The following RAC1 variants were observed in gnomAD, a reference collection of about 807,000 sequenced individuals.
RAC1 encodes the protein Rac family small GTPase 1.
A neutral mutation model predicts 25.2 loss-of-function variants in RAC1; 2 were observed. That is an observed-to-expected ratio of 0.08 (90% CI 0.03 to 0.25). The LOEUF is 0.25. Ranked by LOEUF, RAC1 falls within the 10% of genes least tolerant of loss-of-function variation. The probability of loss-of-function intolerance (pLI) is 1.00; values close to 1 mark genes in which losing one functional copy is unlikely to be tolerated. For synonymous variants in RAC1, 88 were observed against 94.0 expected (o/e 0.94, Z 0.37); for missense variants, 50 against 235.7 (o/e 0.21, Z 5.16).
intron 3 of RAC1, 24 bp downstream of exon 3, chr7:6,392,065 A>G: frequency 6.2e-7 from 1 of 1,614,024 alleles, no homozygotes; most frequent in Non-Finnish European, 8.5e-7. Context: ...CTGACTTTTA[A>G]TGTGTCTTTT....
intron 1 of RAC1, among the ~76,000 whole-genome samples, chr7:6,381,204 A>G (rs1037159640): frequency 6.6e-6 from 1 of 152,164 alleles, no homozygotes; most frequent in Non-Finnish European, 1.5e-5. Flanking sequence ...GTGCAGTTAC[A>G]TATAAATTCT....
intron 3 of RAC1, among the ~76,000 whole-genome samples, chr7:6,392,648 G>A (rs926656771): frequency 2.0e-5 from 3 of 152,192 alleles, no homozygotes; most frequent in Non-Finnish European, 4.4e-5. Flanking sequence ...AGCAGTAGCT[G>A]GTGAAAATGG....
At chr7:6,392,658 G>A (rs1783120733) in intron 3 of RAC1, among the ~76,000 whole-genome samples, 1 of 152,102 alleles carries the variant, frequency 6.6e-6, no homozygotes, top group African/African-American at 2.4e-5. Context: ...GGTGAAAATG[G>A]GTACTTAGAA....
chr7:6,388,841 G>C (rs1006294525), intron 2 of RAC1, among the ~76,000 whole-genome samples: 2 of 152,110 alleles, frequency 1.3e-5, no homozygotes, highest in Non-Finnish European at 1.5e-5. Flanking sequence ...TTATGTCTTT[G>C]TGTACACTTG....
intron 1 of RAC1, among the ~76,000 whole-genome samples, chr7:6,385,138 G>A (rs1782886552): frequency 6.6e-6 from 1 of 152,126 alleles, no homozygotes; most frequent in African/African-American, 2.4e-5. Flanking sequence ...AGAAATGTTA[G>A]CTCTTTTGCT....
intron 1 of RAC1, among the ~76,000 whole-genome samples, chr7:6,384,588 T>A (rs1200533049): frequency 6.6e-6 from 1 of 152,046 alleles, no homozygotes; most frequent in African/African-American, 2.4e-5. Context: ...AGGGATCCTC[T>A]TGCTTCAGCC....
At position 6,387,290 on chromosome 7, in the gene RAC1, A is replaced by G; in HGVS notation, c.107+7A>G. 4.6e-6 allele frequency: 7 copies of G among 1,533,250 alleles called. No homozygotes were observed. Among genetic ancestry groups the G allele is most frequent in the Non-Finnish European group, 5.3e-6 (6 of 1,132,254 alleles). 95.0% of individuals were successfully genotyped at this position (1,533,250 alleles called of 1,614,324 possible). ...GAGAATATATCCCTACTGTGTAAGT[A>G]TCTTAAATTGGGAATTAACCTGTTT... On this transcript the variant is annotated splice_region_variant and intron_variant, in intron 2 of 5. Coordinates refer to ENST00000348035, the MANE Select transcript of RAC1 (RefSeq NM_006908.5).
At chr7:6,388,014 C>T (rs1782970263) in intron 2 of RAC1, among the ~76,000 whole-genome samples, 1 of 152,096 alleles carries the variant, frequency 6.6e-6, no homozygotes, top group Non-Finnish European at 1.5e-5. Flanking sequence ...GGTTACATGT[C>T]CGCATTGAGG....
In RAC1 at chr7:6,402,347, C is replaced by T. The variant is rs769668890; in HGVS notation, c.480C>T (p.Leu160=). ...GAVKYLECSA[L]TQRGLKTVFD... ...TAAAATACCTGGAGTGCTCGGCGCT[C>T]ACACAGCGAGGCCTCAAGACAGTGT... is the stretch of plus-strand genomic sequence containing the variant. Residue 160 remains leucine (L), a synonymous_variant, in exon 6 of 6, where the codon CTC becomes CTT. Transcript: ENST00000348035. The T allele has an allele frequency of 8.1e-6, 13 of 1,611,816 alleles. No homozygotes were observed. Among genetic ancestry groups the T allele is most frequent in the African/African-American group, 6.7e-5 (5 of 74,734 alleles).
In RAC1 at chr7:6,374,666, C is replaced by G; in HGVS notation, c.-70C>G. The G allele has an allele frequency of 9.8e-7, 1 of 1,023,992 alleles. No individual in the cohort carries two copies. The allele number at this position is 1,023,992 out of a possible 1,614,324, so 63.4% of individuals were successfully genotyped here. On this transcript the variant is annotated 5_prime_UTR_variant, in exon 1 of 6. Transcript: ENST00000348035. ...GCCCGCAAGCCGCGCGCCCGTCCGC[C>G]GCGCCCCGAGCCCGCCGCTTCCTAT...
intron 1 of RAC1, among the ~76,000 whole-genome samples, chr7:6,375,216 T>C (rs540822808): frequency 1.1e-4 from 16 of 152,228 alleles, no homozygotes; most frequent in South Asian, 6.2e-4. Context: ...GATGCATGCT[T>C]GATTGTACGG....
Position 6,392,993 on chromosome 7 carries a change from G to A in RAC1, c.225+952G>A, listed in dbSNP as rs75233683. Among the ~76,000 whole-genome samples, 180 of 152,348 alleles carry A rather than the reference G, an allele frequency of 1.2e-3. 1 individual carries two copies. Among genetic ancestry groups the A allele is most frequent in the Middle Eastern group, 3.4e-3 (1 of 294 alleles). ...AATTCTCCTGTTCCTCAGTGTGCGGGTGGGTCGGCCTAAAGAGTGCTGCTT... is the reference window on the plus strand; with the variant it reads ...AATTCTCCTGTTCCTCAGTGTGCGGATGGGTCGGCCTAAAGAGTGCTGCTT... On this transcript the variant is annotated intron_variant, in intron 3 of 5. Coordinates refer to ENST00000348035, the MANE Select transcript of RAC1 (RefSeq NM_006908.5).
chr7:6,390,029 C>G (rs888773993), intron 2 of RAC1, among the ~76,000 whole-genome samples: 4 of 67,072 alleles, frequency 6.0e-5, no homozygotes, highest in African/African-American at 2.0e-4. Context: ...CTCTCCTACT[C>G]CTTCCCTCCT....
intron 2 of RAC1, among the ~76,000 whole-genome samples, chr7:6,389,195 C>G (rs1230486520): frequency 8.7e-6 from 1 of 115,072 alleles, no homozygotes; most frequent in African/African-American, 4.2e-5. Flanking sequence ...GAGTGAGACT[C>G]TGTCTCCCAA....
chr7:6,402,527 A>AAAAAC lies in RAC1; in HGVS notation c.*85_*86insCAAAA. The AAAAAC allele has an allele frequency of 9.2e-7, 1 of 1,086,138 alleles. No individual in the cohort carries two copies. The highest frequency in any genetic ancestry group is 2.1e-5 in the African/African-American group (1 of 47,884). 67.3% of individuals were successfully genotyped at this position (1,086,138 alleles called of 1,614,324 possible). ...CAAAAAAAAACAAAAAAAAAAAACA[A>AAAAAC]AAAAAAAAAACAACGGTGGAGCCTT... is the stretch of plus-strand genomic sequence containing the variant. On this transcript the variant is annotated 3_prime_UTR_variant, in exon 6 of 6. Coordinates refer to ENST00000348035, the MANE Select transcript of RAC1 (RefSeq NM_006908.5).
chr7:6,391,061 C>G (rs1562466398), intron 2 of RAC1, among the ~76,000 whole-genome samples: 1 of 152,062 alleles, frequency 6.6e-6, no homozygotes, highest in Non-Finnish European at 1.5e-5. Context: ...CACGCCCTGG[C>G]TAATTTTTGC....
intron 1 of RAC1, 65 bp from the exon 2 acceptor site, chr7:6,387,147 C>A: frequency 1.9e-6 from 2 of 1,031,928 alleles, no homozygotes; most frequent in East Asian, 2.5e-5. Context: ...ATTATTTTAA[C>A]TTAATAGTGA....
intron 1 of RAC1, among the ~76,000 whole-genome samples, chr7:6,375,669 T>C (rs756375394): frequency 5.9e-5 from 9 of 151,728 alleles, no homozygotes; most frequent in Non-Finnish European, 1.2e-4. Flanking sequence ...TTTCTTTCTT[T>C]CTTTTTTTTT....
At chr7:6,395,651 C>G (rs1783216633) in intron 3 of RAC1, among the ~76,000 whole-genome samples, 1 of 152,154 alleles carries the variant, frequency 6.6e-6, no homozygotes, top group Non-Finnish European at 1.5e-5. Flanking sequence ...CACAGGTGAC[C>G]TTCTCTGATG....
Sources: gnomAD v4.1 joint callset for allele counts (sites outside exome capture counted in the v4.1 genomes callset) on GRCh38, gnomAD v4.1.1 for gene constraint, MANE v1.5 for transcripts, NCBI Gene and HGNC (gene_info 2026-07-23, HGNC 2026-07-21) for gene names.